The following SCAI variants were observed in gnomAD, a reference collection of about 807,000 sequenced individuals.
The protein encoded by SCAI is protein SCAI.
A neutral mutation model predicts 92.2 loss-of-function variants in SCAI; 24 were observed. The observed-to-expected ratio is 0.26, with a 90% CI of 0.19 to 0.37. The LOEUF is 0.37. SCAI is among the 10% of genes least tolerant of loss of function. The pLI, the probability that SCAI is intolerant of heterozygous loss-of-function variation, is 1.00. For synonymous variants in SCAI, 261 were observed against 258.6 expected, an observed-to-expected ratio of 1.01 and a Z score of -0.09; for missense variants, 450 against 736.2, an observed-to-expected ratio of 0.61 and a Z score of 4.50.
At chr9:125,085,645 G>C (rs75967576) in intron 2 of SCAI, among the ~76,000 whole-genome samples, 1 of 152,196 alleles carries the variant, frequency 6.6e-6, no homozygotes. Flanking sequence ...GCCAGGTGTT[G>C]TGGTGCACAC....
At chr9:125,127,029 T>A (rs1588246166) in intron 2 of SCAI, among the ~76,000 whole-genome samples, 2 of 151,840 alleles carry the variant, frequency 1.3e-5, no homozygotes, top group African/African-American at 4.8e-5. Flanking sequence ...GGGGGTTAGG[T>A]AGAAATAAGA....
intron 3 of SCAI, among the ~76,000 whole-genome samples, chr9:125,053,256 C>T (rs1049783114): frequency 2.0e-5 from 3 of 152,110 alleles, no homozygotes; most frequent in Non-Finnish European, 4.4e-5. Context: ...ATTGCTTGAA[C>T]CCAGGAGGCG....
chr9:124,976,151 G>A lies in SCAI; in HGVS notation c.1362C>T (p.Cys454=). Residue 454 remains cysteine (C), a synonymous_variant, in exon 15 of 18, where the codon TGC becomes TGT. Coordinates refer to ENST00000336505, the MANE Select transcript of SCAI (RefSeq NM_001144877.3). ...FTNLFGQPLV[C]LLSPTAYPKA... is the part of the protein sequence containing the mutation. ...TTGGATATGCTGTAGGAGAAAGCAA[G>A]CAGACTAGTGGCTGTCCAAACAAGT... 6.2e-7 allele frequency: 1 copy of A among 1,612,524 alleles called. No homozygotes were observed. Among genetic ancestry groups the A allele is most frequent in the Non-Finnish European group, 8.5e-7 (1 of 1,178,552 alleles).
chr9:124,996,311 T>C (rs1309659061), intron 13 of SCAI, among the ~76,000 whole-genome samples: 1 of 152,084 alleles, frequency 6.6e-6, no homozygotes, highest in Non-Finnish European at 1.5e-5. Flanking sequence ...TTTGTTATTG[T>C]TGTTGTTTGA....
intron 14 of SCAI, among the ~76,000 whole-genome samples, chr9:124,980,484 T>C (rs937782803): frequency 1.4e-4 from 21 of 152,178 alleles, no homozygotes; most frequent in Non-Finnish European, 2.9e-5. Context: ...TCGCTGTCCC[T>C]AGAATGTGCA....
chr9:125,022,692 A>G (rs2131076981), intron 6 of SCAI, among the ~76,000 whole-genome samples: 1 of 152,308 alleles, frequency 6.6e-6, no homozygotes, highest in African/African-American at 2.4e-5. Flanking sequence ...TGTTGGGATA[A>G]CAGGTGTGAG....
intron 9 of SCAI, among the ~76,000 whole-genome samples, chr9:125,016,305 T>C (rs887134987): frequency 4.0e-5 from 6 of 150,364 alleles, no homozygotes; most frequent in Admixed American, 2.0e-4. Context: ...GGAGAATCGC[T>C]TGAACCTGGG....
In SCAI at chr9:125,143,465, C is replaced by A. The variant is rs1025053374; in HGVS notation, c.-28G>T. The A allele has an allele frequency of 2.2e-6, 3 of 1,336,122 alleles. No individual in the cohort carries two copies. In the African/African-American group the frequency reaches 4.6e-5, roughly 20 times the overall value. 82.8% of individuals were successfully genotyped at this position (1,336,122 alleles called of 1,614,324 possible). ...GGCTCCTGCTCCGCCGCGGGAGCTG[C>A]TCCGGCGGCCGCAGGGCTCGCTCGG... is the stretch of plus-strand genomic sequence containing the variant. On this transcript the variant is annotated 5_prime_UTR_variant, in exon 1 of 18. Coordinates refer to ENST00000336505, the MANE Select transcript of SCAI (RefSeq NM_001144877.3).
chr9:125,006,115 A>G (rs1832501415), intron 9 of SCAI, among the ~76,000 whole-genome samples: 1 of 152,218 alleles, frequency 6.6e-6, no homozygotes, highest in Non-Finnish European at 1.5e-5. Context: ...ATTCTAGCTG[A>G]CAGAATTACA....
intron 3 of SCAI, among the ~76,000 whole-genome samples, chr9:125,051,116 A>C (rs1833552422): frequency 6.6e-6 from 1 of 152,088 alleles, no homozygotes; most frequent in African/African-American, 2.4e-5. Flanking sequence ...TCCGCCTCCC[A>C]GCTTCAAGCG....
At chr9:124,993,317 G>A (rs898968868) in intron 14 of SCAI, among the ~76,000 whole-genome samples, 7 of 152,094 alleles carry the variant, frequency 4.6e-5, no homozygotes, top group East Asian at 1.9e-4. Context: ...GGCTGGGTAC[G>A]GTGGAACACG....
chr9:125,096,669 T>C (rs1354913797), intron 2 of SCAI, among the ~76,000 whole-genome samples: 2 of 152,202 alleles, frequency 1.3e-5, no homozygotes, highest in Non-Finnish European at 1.5e-5. Flanking sequence ...CAGTAAGTTG[T>C]CTTCCCATAA....
intron 14 of SCAI, among the ~76,000 whole-genome samples, chr9:124,978,327 G>A (rs1831804362): frequency 1.3e-5 from 2 of 152,174 alleles, no homozygotes; most frequent in East Asian, 3.9e-4. Flanking sequence ...TGTAATTCCA[G>A]CTACTCAGGA....
At chr9:125,035,558 T>C (rs536785150) in intron 3 of SCAI, among the ~76,000 whole-genome samples, 3 of 152,162 alleles carry the variant, frequency 2.0e-5, no homozygotes, top group Non-Finnish European at 4.4e-5. Context: ...AGAGTAAACT[T>C]TATGCCTTAG....
chr9:124,952,740 G>A lies in SCAI; in HGVS notation c.*67C>T, dbSNP rs761058463. On this transcript the variant is annotated 3_prime_UTR_variant, in exon 18 of 18. Coordinates refer to ENST00000336505, the MANE Select transcript of SCAI (RefSeq NM_001144877.3). ...GTAACACCACTATGTGTCTTATCAC[G>A]TTAGAAAACTGCACCATTTAAAATT... 1.5e-4 allele frequency: 199 copies of A among 1,358,840 alleles called. No homozygotes were observed. The highest frequency in any genetic ancestry group is 1.9e-4 in the Non-Finnish European group (187 of 970,292). 84.2% of individuals were successfully genotyped at this position (1,358,840 alleles called of 1,614,324 possible).
intron 2 of SCAI, among the ~76,000 whole-genome samples, chr9:125,120,970 G>A (rs1018854884): frequency 1.3e-5 from 2 of 151,882 alleles, no homozygotes; most frequent in African/African-American, 4.8e-5. Flanking sequence ...TGAGTAATCT[G>A]CCACTAAAAA....
At chr9:125,107,235 C>T (rs188103675) in intron 2 of SCAI, among the ~76,000 whole-genome samples, 1 of 151,418 alleles carries the variant, frequency 6.6e-6, no homozygotes, top group African/African-American at 2.4e-5. Flanking sequence ...ATAGTGAAAC[C>T]CCGTCTCTAC....
At chr9:124,977,884 T>C (rs1009768503) in intron 14 of SCAI, among the ~76,000 whole-genome samples, 1 of 152,298 alleles carries the variant, frequency 6.6e-6, no homozygotes, top group South Asian at 2.1e-4. Context: ...GTTGGTTCCA[T>C]ACTTCATACC....
At chr9:125,106,123 ATATATATATATAT>A (rs1350085038) in intron 2 of SCAI, among the ~76,000 whole-genome samples, 1 of 9,280 alleles carries the variant, frequency 1.1e-4, no homozygotes, top group African/African-American at 2.6e-4. Context: ...AAAAAAAAAA[ATATATATATATAT>A]ATATATATAT....
Sources: allele counts gnomAD v4.1 joint callset (sites outside exome capture counted in the v4.1 genomes callset), GRCh38; gene constraint gnomAD v4.1.1; transcripts MANE v1.5; gene names NCBI Gene and HGNC (gene_info 2026-07-23, HGNC 2026-07-21).